PLXDC2: variants seen among roughly 807,000 people sequenced by gnomAD.
The protein encoded by PLXDC2 is plexin domain-containing protein 2.
In PLXDC2, 40 loss-of-function variants were observed where a neutral mutation model predicts 68.9. The observed-to-expected ratio is 0.58, with a 90% CI of 0.45 to 0.76. The LOEUF is 0.76. PLXDC2 is among the 30% of genes least tolerant of loss of function. The probability of loss-of-function intolerance (pLI) is 0.00; values close to 1 mark genes in which losing one functional copy is unlikely to be tolerated. For missense variants in PLXDC2, 644 were observed against 661.9 expected, an observed-to-expected ratio of 0.97 and a Z score of 0.30; for synonymous variants, 243 against 234.2, an observed-to-expected ratio of 1.04 and a Z score of -0.34.
At chr10:20,120,515 T>A (rs1361067297) in intron 4 of PLXDC2, among the ~76,000 whole-genome samples, 1 of 151,948 alleles carries the variant, frequency 6.6e-6, no homozygotes, top group Non-Finnish European at 1.5e-5. Flanking sequence ...CTGTATAGAG[T>A]TGGGAAGGCT....
At chr10:20,015,816 C>A (rs113464935) in intron 2 of PLXDC2, among the ~76,000 whole-genome samples, 1 of 152,158 alleles carries the variant, frequency 6.6e-6, no homozygotes, top group African/African-American at 2.4e-5. Flanking sequence ...CCAATACAAG[C>A]ACATAAATCC....
At chr10:19,946,583 G>T (rs1380608047) in intron 1 of PLXDC2, among the ~76,000 whole-genome samples, 1 of 151,496 alleles carries the variant, frequency 6.6e-6, no homozygotes, top group Non-Finnish European at 1.5e-5. Context: ...TCCAGCAGTG[G>T]TCCCTAACCT....
At chr10:20,098,285 C>T (rs1833377378) in intron 4 of PLXDC2, among the ~76,000 whole-genome samples, 1 of 151,878 alleles carries the variant, frequency 6.6e-6, no homozygotes, top group Admixed American at 6.6e-5. Flanking sequence ...CTTGTGACCA[C>T]ATCACTCCAA....
intron 1 of PLXDC2, among the ~76,000 whole-genome samples, chr10:19,927,041 C>T (rs1395515802): frequency 6.6e-6 from 1 of 152,174 alleles, no homozygotes; most frequent in Non-Finnish European, 1.5e-5. Flanking sequence ...TCCATCTGCT[C>T]TCTGATTTAC....
intron 1 of PLXDC2, among the ~76,000 whole-genome samples, chr10:19,928,615 C>G (rs1207336857): frequency 1.3e-5 from 2 of 152,142 alleles, no homozygotes; most frequent in Non-Finnish European, 2.9e-5. Flanking sequence ...CAGGCCACCC[C>G]TTGGCGGGGC....
chr10:20,247,478 GA>G (rs11460480), intron 13 of PLXDC2, among the ~76,000 whole-genome samples: 21 of 148,764 alleles, frequency 1.4e-4, no homozygotes, highest in South Asian at 8.6e-4. Context: ...CCTGGTCTAG[GA>G]AAAAAAAAAA....
chr10:19,957,635 G>A (rs75153081), intron 1 of PLXDC2, among the ~76,000 whole-genome samples: 9,329 of 152,138 alleles, frequency 0.061, 339 homozygotes, highest in African/African-American at 0.095. Context: ...GGGCATGTCA[G>A]TCTTTTCCAG....
intron 4 of PLXDC2, among the ~76,000 whole-genome samples, chr10:20,141,275 C>CATT (rs150286936): frequency 4.6e-5 from 7 of 151,622 alleles, no homozygotes; most frequent in African/African-American, 7.2e-5. Context: ...GGGGAAAGTA[C>CATT]ATATATCTTA....
At chr10:20,149,229 C>CCTTTT (rs1834120053) in intron 6 of PLXDC2, among the ~76,000 whole-genome samples, 2 of 34,924 alleles carry the variant, frequency 5.7e-5, no homozygotes, top group African/African-American at 1.2e-4. Context: ...TTTTTCTTTT[C>CCTTTT]TTTTTTTTTT....
intron 1 of PLXDC2, among the ~76,000 whole-genome samples, chr10:19,876,856 A>T (rs983818851): frequency 5.3e-5 from 8 of 152,180 alleles, no homozygotes; most frequent in African/African-American, 1.9e-4. Context: ...TGGCTAGCTT[A>T]AAGTTGTTAA....
intron 3 of PLXDC2, 104 bp downstream of exon 3, chr10:20,047,119 G>C: frequency 8.3e-7 from 1 of 1,209,004 alleles, no homozygotes; most frequent in Non-Finnish European, 1.1e-6. Context: ...TTAAATATTA[G>C]AATGGCCTTA....
chr10:20,233,786 C>T (rs1474292743), intron 12 of PLXDC2, among the ~76,000 whole-genome samples: 1 of 152,080 alleles, frequency 6.6e-6, no homozygotes, highest in Non-Finnish European at 1.5e-5. Flanking sequence ...AAAAAAATAG[C>T]AGCACCAACT....
chr10:20,207,603 A>G (rs970013577), intron 9 of PLXDC2, among the ~76,000 whole-genome samples: 4 of 152,200 alleles, frequency 2.6e-5, no homozygotes, highest in Non-Finnish European at 5.9e-5. Flanking sequence ...ATCTTCCAAA[A>G]CAGAATGTCA....
intron 4 of PLXDC2, among the ~76,000 whole-genome samples, chr10:20,133,828 C>A (rs1833900174): frequency 2.6e-5 from 4 of 152,118 alleles, no homozygotes; most frequent in Admixed American, 2.6e-4. Flanking sequence ...TTCTGGAACT[C>A]CCATAATGAA....
intron 1 of PLXDC2, among the ~76,000 whole-genome samples, chr10:19,908,315 C>A (rs1231010429): frequency 6.6e-6 from 1 of 152,104 alleles, no homozygotes; most frequent in Non-Finnish European, 1.5e-5. Context: ...CGGTAATCTG[C>A]AATATTTTGA....
chr10:20,201,201 T>A (rs548238863), intron 9 of PLXDC2, among the ~76,000 whole-genome samples: 21 of 152,242 alleles, frequency 1.4e-4, no homozygotes, highest in African/African-American at 5.1e-4. Context: ...TGTTCAGCCT[T>A]ATAAAGAAGG....
intron 1 of PLXDC2, among the ~76,000 whole-genome samples, chr10:19,897,771 T>C (rs1838085491): frequency 6.6e-6 from 1 of 152,184 alleles, no homozygotes; most frequent in Admixed American, 6.5e-5. Flanking sequence ...AGCCAGTTAG[T>C]TACAGGGCTA....
intron 4 of PLXDC2, among the ~76,000 whole-genome samples, chr10:20,082,384 T>A: frequency 6.6e-6 from 1 of 152,022 alleles, no homozygotes; most frequent in East Asian, 1.9e-4. Context: ...GCCTATACTG[T>A]CTTTGCAACT....
At chr10:20,052,129 T>TG (rs1389764561) in intron 3 of PLXDC2, among the ~76,000 whole-genome samples, 1 of 151,992 alleles carries the variant, frequency 6.6e-6, no homozygotes, top group African/African-American at 2.4e-5. Flanking sequence ...AGTTTCCATT[T>TG]GAAAAAAAAT....
Sources: allele counts gnomAD v4.1 joint callset (sites outside exome capture counted in the v4.1 genomes callset), GRCh38; gene constraint gnomAD v4.1.1; transcripts MANE v1.5; gene names NCBI Gene and HGNC (gene_info 2026-07-23, HGNC 2026-07-21).